NGEF: variants seen among roughly 807,000 people sequenced by gnomAD.
The protein encoded by NGEF is neuronal guanine nucleotide exchange factor, also known as ephexin-1.
In NGEF, 31 loss-of-function variants were observed where a neutral mutation model predicts 80.9. The observed-to-expected ratio is 0.38, with a 90% CI of 0.29 to 0.52. The LOEUF (loss-of-function observed/expected upper bound fraction) is 0.52, where lower values mean the gene tolerates loss of function less well. NGEF is among the 20% of genes least tolerant of loss of function. NGEF has a pLI of 0.84. For synonymous variants in NGEF, 371 were observed against 370.2 expected (o/e 1.00, Z -0.03); for missense variants, 709 against 926.2 (o/e 0.77, Z 3.04).
intron 1 of NGEF, among the ~76,000 whole-genome samples, chr2:232,989,254 C>T (rs927640080): frequency 9.9e-5 from 15 of 152,160 alleles, no homozygotes; most frequent in African/African-American, 3.6e-4. Flanking sequence ...TCAAGACCAA[C>T]CTGGCCAACA....
chr2:232,915,731 G>GC (rs1475388486), intron 5 of NGEF, among the ~76,000 whole-genome samples: 1 of 151,928 alleles, frequency 6.6e-6, no homozygotes, highest in Non-Finnish European at 1.5e-5. Flanking sequence ...TCTCACTGTT[G>GC]CCAGGCTGGA....
At chr2:232,973,661 C>T (rs1310278966) in intron 2 of NGEF, among the ~76,000 whole-genome samples, 1 of 152,210 alleles carries the variant, frequency 6.6e-6, no homozygotes, top group East Asian at 1.9e-4. Flanking sequence ...AGTTCACAGA[C>T]CACCAGAGAG....
At chr2:232,957,186 T>A (rs1693848578) in intron 3 of NGEF, among the ~76,000 whole-genome samples, 1 of 152,062 alleles carries the variant, frequency 6.6e-6, no homozygotes, top group African/African-American at 2.4e-5. Flanking sequence ...AAAATAAATC[T>A]AAATGGGCAA....
chr2:232,891,100 C>T, intron 8 of NGEF: 1 of 569,110 alleles, frequency 1.8e-6, no homozygotes, highest in South Asian at 1.6e-5. Context: ...GCCAGCCACC[C>T]CTGTCGTGTC....
intron 1 of NGEF, among the ~76,000 whole-genome samples, chr2:233,008,926 G>T (rs865982159): frequency 6.6e-6 from 1 of 151,684 alleles, no homozygotes; most frequent in African/African-American, 2.4e-5. Context: ...TCAGCCTCCC[G>T]AGTAGCTGGG....
chr2:232,888,319 CAT>C (rs1479383495), intron 8 of NGEF, among the ~76,000 whole-genome samples: 5 of 152,106 alleles, frequency 3.3e-5, no homozygotes, highest in East Asian at 1.9e-4. Flanking sequence ...CTCGCACACA[CAT>C]GCACACCATG....
chr2:232,888,453 T>G (rs1238535964), intron 8 of NGEF, among the ~76,000 whole-genome samples: 4 of 151,986 alleles, frequency 2.6e-5, no homozygotes, highest in African/African-American at 9.7e-5. Flanking sequence ...CACAACACGA[T>G]GCATGCACAC....
At chr2:232,989,759 C>CAGTTAAAT (rs1309912364) in intron 1 of NGEF, among the ~76,000 whole-genome samples, 5 of 152,128 alleles carry the variant, frequency 3.3e-5, no homozygotes, top group Admixed American at 6.5e-5. Flanking sequence ...TAAGGATGAA[C>CAGTTAAAT]AGTTAAATGA....
rs773863661 is a variant in NGEF at position 232,920,297 on chromosome 2, A to G, written c.815T>C (p.Ile272Thr). ...GVLEILQPEE[I>T]KLQEAMFELV... The stretch of plus-strand genomic sequence containing the variant: ...GGCGCCTGTTACCTCCTGCAGCTTA[A>G]TCTCCTCGGGCTGTAGGATCTCAAG... Residue 272 changes from isoleucine to threonine, a missense_variant, in exon 5 of 15, where the codon ATT (isoleucine) becomes ACT (threonine). Transcript: ENST00000264051. The G allele has an allele frequency of 1.9e-6, 3 of 1,613,142 alleles. No homozygotes were observed. The highest frequency in any genetic ancestry group is 2.5e-6 in the Non-Finnish European group (3 of 1,179,578).
At chr2:232,889,781 C>T (rs866246875) in intron 8 of NGEF, among the ~76,000 whole-genome samples, 2 of 152,292 alleles carry the variant, frequency 1.3e-5, no homozygotes, top group Middle Eastern at 3.4e-3. Flanking sequence ...GCCTCATGCT[C>T]CCAAACCCTT....
At chr2:232,947,572 T>C (rs1693585203) in intron 3 of NGEF, among the ~76,000 whole-genome samples, 1 of 152,162 alleles carries the variant, frequency 6.6e-6, no homozygotes, top group Non-Finnish European at 1.5e-5. Context: ...TCTCACACAC[T>C]CTCCCTCACC....
intron 1 of NGEF, among the ~76,000 whole-genome samples, chr2:232,986,267 G>A (rs1479650827): frequency 3.3e-5 from 5 of 152,306 alleles, no homozygotes; most frequent in South Asian, 4.1e-4. Context: ...TGGTAGGAAC[G>A]TAAATTGGAA....
chr2:232,980,046 A>G (rs1214054209), intron 1 of NGEF, among the ~76,000 whole-genome samples: 6 of 151,892 alleles, frequency 4.0e-5, no homozygotes, highest in African/African-American at 9.7e-5. Flanking sequence ...CAGCTATCTG[A>G]CTCATTTGTT....
At chr2:232,936,007 G>T (rs1693317256) in intron 3 of NGEF, among the ~76,000 whole-genome samples, 1 of 152,172 alleles carries the variant, frequency 6.6e-6, no homozygotes, top group Non-Finnish European at 1.5e-5. Flanking sequence ...GGCAGAACCA[G>T]CAGTCGAACC....
intron 3 of NGEF, among the ~76,000 whole-genome samples, chr2:232,963,465 T>TA (rs1410886745): frequency 6.6e-6 from 1 of 151,780 alleles, no homozygotes; most frequent in Non-Finnish European, 1.5e-5. Context: ...GGACAAACAA[T>TA]AAAAAAATTT....
intron 6 of NGEF, 38 bp from the exon 7 acceptor site, chr2:232,893,088 G>T (rs373289959): frequency 1.4e-5 from 22 of 1,591,122 alleles, no homozygotes; most frequent in South Asian, 1.2e-4. Flanking sequence ...GGGTGCCCGG[G>T]GGGTAGGGTG....
At chr2:233,010,470 G>A (rs1305650198) in intron 1 of NGEF, among the ~76,000 whole-genome samples, 1 of 152,156 alleles carries the variant, frequency 6.6e-6, no homozygotes, top group Non-Finnish European at 1.5e-5. Flanking sequence ...AATAAGTGAT[G>A]GAAGATTGTT....
At chr2:232,925,707 G>C (rs1291451253) in intron 4 of NGEF, among the ~76,000 whole-genome samples, 1 of 152,214 alleles carries the variant, frequency 6.6e-6, no homozygotes, top group Non-Finnish European at 1.5e-5. Flanking sequence ...TTTCAAGAGG[G>C]TGGAGGTCAA....
At chr2:232,887,963 G>T in intron 9 of NGEF, 70 bp downstream of exon 9, 1 of 1,167,680 alleles carries the variant, frequency 8.6e-7, no homozygotes, top group Non-Finnish European at 1.3e-6. Context: ...TGGGGAGCAG[G>T]GCCGGAAAGG....
Sources: allele counts gnomAD v4.1 joint callset (sites outside exome capture counted in the v4.1 genomes callset), GRCh38; gene constraint gnomAD v4.1.1; transcripts MANE v1.5; gene names NCBI Gene and HGNC (gene_info 2026-07-23, HGNC 2026-07-21).